MTMR3: variants seen among roughly 807,000 people sequenced by gnomAD.
The protein encoded by MTMR3 is phosphatidylinositol-3,5-bisphosphate 3-phosphatase MTMR3.
Under a neutral mutation model 132.4 loss-of-function variants are expected in MTMR3, and 32 were observed. That is an observed-to-expected ratio of 0.24 (90% CI 0.18 to 0.32). The LOEUF (loss-of-function observed/expected upper bound fraction) is 0.32, where lower values mean the gene tolerates loss of function less well. MTMR3 is among the 10% of genes least tolerant of loss of function. The pLI, the probability that MTMR3 is intolerant of heterozygous loss-of-function variation, is 1.00. For synonymous variants in MTMR3, 556 were observed against 550.3 expected (o/e 1.01, Z -0.14); for missense variants, 1,216 against 1,489.6 (o/e 0.82, Z 3.02).
intron 2 of MTMR3, among the ~76,000 whole-genome samples, chr22:29,960,345 CTA>C (rs1419691827): frequency 1.3e-5 from 2 of 152,046 alleles, no homozygotes; most frequent in Non-Finnish European, 2.9e-5. Flanking sequence ...GAAATTGAAA[CTA>C]GAACTGTGGT....
intron 13 of MTMR3, chr22:30,012,949 A>C (rs546969701): frequency 5.1e-6 from 1 of 195,608 alleles, no homozygotes; most frequent in African/African-American, 2.3e-5. Context: ...GATGAAAGAA[A>C]AATCATAAAG....
At chr22:30,018,260 G>A (rs879473250) in intron 16 of MTMR3, 188 bp downstream of exon 16, 4 of 618,142 alleles carry the variant, frequency 6.5e-6, no homozygotes, top group African/African-American at 1.9e-5. Flanking sequence ...CTTGTTTCTG[G>A]GAGTGAGTTA....
intron 1 of MTMR3, among the ~76,000 whole-genome samples, chr22:29,905,900 A>G (rs574818873): frequency 2.6e-5 from 4 of 152,314 alleles, no homozygotes; most frequent in African/African-American, 9.6e-5. Context: ...AACCTTTTAT[A>G]TATTAGCTGT....
At chr22:29,970,447 C>T (rs777258808) in intron 2 of MTMR3, among the ~76,000 whole-genome samples, 13 of 151,444 alleles carry the variant, frequency 8.6e-5, no homozygotes, top group Non-Finnish European at 1.3e-4. Flanking sequence ...GATCCTCCCA[C>T]CTCATCCTCC....
intron 1 of MTMR3, among the ~76,000 whole-genome samples, chr22:29,948,699 A>C (rs1321680803): frequency 6.6e-6 from 1 of 152,112 alleles, no homozygotes; most frequent in African/African-American, 2.4e-5. Flanking sequence ...TTGTGGTAAG[A>C]TCTAGAAACA....
At chr22:29,895,371 C>T (rs538575646) in intron 1 of MTMR3, among the ~76,000 whole-genome samples, 1 of 152,196 alleles carries the variant, frequency 6.6e-6, no homozygotes, top group African/African-American at 2.4e-5. Context: ...ACATTTTTAC[C>T]GATGAGAAAT....
At position 30,025,637 on chromosome 22, in the gene MTMR3, G is replaced by A; in HGVS notation, c.3433G>A (p.Gly1145Arg). ...ASRKHHCRNC[G>R]NVFCSSCCNQ... The stretch of plus-strand genomic sequence containing the variant: ...GTTTCTTCTCATCTCAAGGAATTGT[G>A]GGAACGTATTCTGCTCCAGTTGTTG... The change falls in exon 20 of 20, where the codon GGG becomes AGG. Residue 1145 changes from glycine (G) to arginine (R), a missense_variant. This residue lies in a region of MTMR3 where 852 missense variants were observed against 852.0 expected (regional missense o/e 1.00). Coordinates refer to ENST00000401950, the MANE Select transcript of MTMR3 (RefSeq NM_021090.4). 6.2e-7 allele frequency: 1 copy of A among 1,614,190 alleles called. No individual in the cohort carries two copies. Among genetic ancestry groups the A allele is most frequent in the East Asian group, 2.2e-5 (1 of 44,886 alleles).
intron 12 of MTMR3, chr22:30,011,604 C>G (rs1414128718): frequency 6.6e-6 from 1 of 152,258 alleles, no homozygotes; most frequent in African/African-American, 2.4e-5. Flanking sequence ...CTCAAGTGAT[C>G]CACCCACCTC....
rs1025490609 is a variant in MTMR3, at chr22:30,020,202, T to C, written c.2543T>C (p.Met848Thr). Reference protein sequence around the residue: ...RGPNVDSSTDMLVEDKVKSVS... With the variant: ...RGPNVDSSTDTLVEDKVKSVS... ...CCAAACGTGGACAGTTCTACAGACA[T>C]GTTAGTGGAAGATAAGGTGAAGTCA... The change falls in exon 17 of 20, where the codon ATG becomes ACG. Residue 848 changes from methionine to threonine, a missense_variant. By Grantham distance (81) the Met-to-Thr change is moderately conservative. Around this residue, in one of 7 missense-constraint regions of MTMR3, gnomAD observed 852 missense variants for 852.0 expected, o/e 1.00. Transcript: ENST00000401950. 6.2e-7 allele frequency: 1 copy of C among 1,614,102 alleles called. No individual in the cohort carries two copies. The highest frequency in any genetic ancestry group is 1.7e-5 in the Admixed American group (1 of 60,024).
intron 5 of MTMR3, 115 bp from the exon 6 acceptor site, chr22:29,988,365 C>G: frequency 1.6e-6 from 1 of 625,242 alleles, no homozygotes; most frequent in Non-Finnish European, 2.6e-6. Context: ...GTTTGCAGTT[C>G]TATTTTTGTT....
At position 29,883,186 on chromosome 22, in the gene MTMR3, C is replaced by A. The variant is rs1020921389; in HGVS notation, c.-311C>A. 7 of 152,274 alleles carry A rather than the reference C, an allele frequency of 4.6e-5. No homozygotes were observed. The highest frequency in any genetic ancestry group is 1.7e-4 in the African/African-American group (7 of 41,456). 9.4% of individuals were successfully genotyped at this position (152,274 alleles called of 1,614,324 possible). Reference sequence around the variant, plus strand: ...GCGTCGGGAGCGCGCTCTGTGTGGCCGCTGCCGCCATGTTGTTGTGGTTGT... The same window carrying A: ...GCGTCGGGAGCGCGCTCTGTGTGGCAGCTGCCGCCATGTTGTTGTGGTTGT... On this transcript the variant is annotated 5_prime_UTR_variant, in exon 1 of 20. Coordinates refer to ENST00000401950, the MANE Select transcript of MTMR3 (RefSeq NM_021090.4).
Position 30,020,358 on chromosome 22 carries a change from A to G in MTMR3, c.2699A>G (p.His900Arg). Residue 900 changes from histidine to arginine, a missense_variant, in exon 17 of 20, where the codon CAT becomes CGT. His to Arg is a conservative substitution (Grantham distance 29). This residue lies in a region of MTMR3 where 852 missense variants were observed against 852.0 expected (regional missense o/e 1.00). Transcript: ENST00000401950. ...VERPQVGSVVHRTSLGSTLSL... is the reference protein window; with the variant it reads ...VERPQVGSVVRRTSLGSTLSL... ...AGGCCCCAAGTGGGGTCTGTGGTGC[A>G]TAGGACTTCCCTTGGCAGCACTCTC... 2.5e-6 allele frequency: 4 copies of G among 1,614,172 alleles called. No individual in the cohort carries two copies. The highest frequency in any genetic ancestry group is 3.4e-6 in the Non-Finnish European group (4 of 1,180,030).
chr22:29,969,452 A>G (rs954068448), intron 2 of MTMR3, among the ~76,000 whole-genome samples: 2 of 152,008 alleles, frequency 1.3e-5, no homozygotes, highest in African/African-American at 4.8e-5. Context: ...GACGCTTTCT[A>G]ATTGGTCTTC....
intron 1 of MTMR3, among the ~76,000 whole-genome samples, chr22:29,905,848 C>G (rs1408855197): frequency 2.0e-5 from 3 of 152,122 alleles, no homozygotes; most frequent in Non-Finnish European, 4.4e-5. Flanking sequence ...TAAACACTTG[C>G]AAAAGCATAT....
chr22:29,928,171 C>CTTTTTTTTTTTTTTTTTT (rs66896756), intron 1 of MTMR3, among the ~76,000 whole-genome samples: 1 of 107,704 alleles, frequency 9.3e-6, no homozygotes. Flanking sequence ...TTTTTTTTTT[C>CTTTTTTTTTTTTTTTTTT]TTTTTTTTTT....
At chr22:29,972,562 T>C (rs558073011) in intron 3 of MTMR3, among the ~76,000 whole-genome samples, 33 of 152,238 alleles carry the variant, frequency 2.2e-4, no homozygotes, top group Non-Finnish European at 4.6e-4. Context: ...CCAGAACCCA[T>C]GGTTGTATTC....
At chr22:29,959,759 A>ATT (rs35031180) in intron 2 of MTMR3, among the ~76,000 whole-genome samples, 19 of 133,932 alleles carry the variant, frequency 1.4e-4, no homozygotes, top group African/African-American at 4.4e-4. Flanking sequence ...AAAAGTGTTA[A>ATT]TTTTTTTTTT....
intron 1 of MTMR3, among the ~76,000 whole-genome samples, chr22:29,888,236 G>C (rs1404418551): frequency 6.6e-6 from 1 of 151,970 alleles, no homozygotes; most frequent in Non-Finnish European, 1.5e-5. Context: ...GTAGAGACAG[G>C]GTTTTGCTAC....
intron 1 of MTMR3, among the ~76,000 whole-genome samples, chr22:29,897,180 C>T (rs1396654332): frequency 6.6e-6 from 1 of 151,234 alleles, no homozygotes; most frequent in African/African-American, 2.4e-5. Context: ...TGGGTTCAAG[C>T]GATTCTCTAC....
Sources: allele counts gnomAD v4.1 joint callset (sites outside exome capture counted in the v4.1 genomes callset), GRCh38; gene constraint gnomAD v4.1.1; regional missense constraint gnomAD v4.1.1; transcripts MANE v1.5; gene names NCBI Gene and HGNC (gene_info 2026-07-23, HGNC 2026-07-21).